DDX10: variants seen among roughly 807,000 people sequenced by gnomAD.
DDX10 encodes the protein DEAD-box helicase 10, also known as probable ATP-dependent RNA helicase DDX10.
A neutral mutation model predicts 104.3 loss-of-function variants in DDX10; 74 were observed. The ratio of observed to expected loss-of-function variants is 0.71; its 90% CI spans 0.59 to 0.86. The LOEUF is 0.86. DDX10 is among the 40% of genes least tolerant of loss of function. The pLI is 0.00. For synonymous variants in DDX10, 351 were observed against 353.4 expected, an observed-to-expected ratio of 0.99 and a Z score of 0.08; for missense variants, 952 against 1,040.0, an observed-to-expected ratio of 0.92 and a Z score of 1.16.
Position 108,837,607 on chromosome 11 carries a change from C to CTTTTTTTTTTTTTTTTTTTTTTTT in DDX10, c.1966-827_1966-804dup, listed in dbSNP as rs142381520. Among the ~76,000 whole-genome samples the CTTTTTTTTTTTTTTTTTTTTTTTT allele has an allele frequency of 1.7e-4, 6 of 34,748 alleles. 2 individuals carry two copies. Among genetic ancestry groups the CTTTTTTTTTTTTTTTTTTTTTTTT allele is most frequent in the African/African-American group, 6.3e-4 (5 of 7,928 alleles). The allele number at this position is 34,748 out of a possible 152,430, so 22.8% of individuals were successfully genotyped here. A position where few individuals can be genotyped will look rare whatever the true frequency, so the allele number is the denominator to read the frequency against. ...TTCTGCATCTCACCTTTGGATACAG[C>CTTTTTTTTTTTTTTTTTTTTTTTT]TTTTTTTTTTTTTTTTTTTTTTTTT... On this transcript the variant is annotated intron_variant, in intron 13 of 17. Transcript: ENST00000322536.
chr11:108,728,728 G>C (rs903855148), intron 13 of DDX10, among the ~76,000 whole-genome samples: 1 of 151,856 alleles, frequency 6.6e-6, no homozygotes, highest in Admixed American at 6.6e-5. Flanking sequence ...GTGTTCCCCA[G>C]GATGGTCTCA....
intron 13 of DDX10, among the ~76,000 whole-genome samples, chr11:108,800,462 A>G (rs913649302): frequency 6.7e-6 from 1 of 148,212 alleles, no homozygotes; most frequent in African/African-American, 2.5e-5. Flanking sequence ...AAAAAAAAAA[A>G]GAACATCTTA....
chr11:108,807,057 A>T (rs941736585), intron 13 of DDX10, among the ~76,000 whole-genome samples: 1 of 152,232 alleles, frequency 6.6e-6, no homozygotes, highest in Non-Finnish European at 1.5e-5. Flanking sequence ...GTCCTAGGTT[A>T]GGCAAGCAAT....
Position 108,750,679 on chromosome 11 carries a change from G to T in DDX10, c.1965+27217G>T, listed in dbSNP as rs140268017. Reference sequence around the variant, plus strand: ...TATTAACTGCAGATTAAGAGGTTTTGTTATGGTACGAATTGAATTAGATAG... The same window carrying T: ...TATTAACTGCAGATTAAGAGGTTTTTTTATGGTACGAATTGAATTAGATAG... On this transcript the variant is annotated intron_variant, in intron 13 of 17. Coordinates refer to ENST00000322536, the MANE Select transcript of DDX10 (RefSeq NM_004398.4). Among the ~76,000 whole-genome samples the T allele has an allele frequency of 3.3e-3, 504 of 151,740 alleles. 1 individual carries two copies. The highest frequency in any genetic ancestry group is 0.011 in the African/African-American group (469 of 41,448).
At chr11:108,910,201 A>C (rs1370866358) in intron 16 of DDX10, among the ~76,000 whole-genome samples, 2 of 152,204 alleles carry the variant, frequency 1.3e-5, no homozygotes, top group Non-Finnish European at 2.9e-5. Flanking sequence ...ACTGGAAAAA[A>C]CAAAAACACT....
chr11:108,839,035 G>C (rs975702503), intron 14 of DDX10, among the ~76,000 whole-genome samples: 6 of 152,154 alleles, frequency 3.9e-5, no homozygotes, highest in African/African-American at 1.4e-4. Context: ...AGACACAGAG[G>C]TGCCTTGTTT....
intron 13 of DDX10, among the ~76,000 whole-genome samples, chr11:108,789,002 C>CCT (rs1468252041): frequency 6.6e-6 from 1 of 152,142 alleles, no homozygotes; most frequent in African/African-American, 2.4e-5. Flanking sequence ...TAGGCCGTAC[C>CCT]CTCTCTGGGC....
At chr11:108,680,954 C>T (rs1002122936) in intron 6 of DDX10, among the ~76,000 whole-genome samples, 2 of 152,080 alleles carry the variant, frequency 1.3e-5, no homozygotes, top group Non-Finnish European at 2.9e-5. Flanking sequence ...TAGTTTTTTT[C>T]CCTTGGCTTA....
intron 17 of DDX10, chr11:108,929,731 G>A (rs1285337594): frequency 1.3e-5 from 2 of 152,092 alleles, no homozygotes; most frequent in Non-Finnish European, 2.9e-5. Flanking sequence ...ATGTATTAAG[G>A]GGCATGTAGT....
intron 6 of DDX10, among the ~76,000 whole-genome samples, 185 bp from the exon 7 acceptor site, chr11:108,688,751 T>C (rs1434526444): frequency 6.6e-6 from 1 of 152,226 alleles, no homozygotes; most frequent in East Asian, 1.9e-4. Context: ...TTTGAATGTG[T>C]TTTAAAGTAA....
intron 15 of DDX10, among the ~76,000 whole-genome samples, chr11:108,845,056 A>G (rs1237137899): frequency 6.6e-6 from 1 of 152,026 alleles, no homozygotes; most frequent in East Asian, 1.9e-4. Flanking sequence ...AAAAAAACCA[A>G]AATTAGCCAG....
chr11:108,720,010 C>T, intron 12 of DDX10, 125 bp downstream of exon 12: 2 of 664,540 alleles, frequency 3.0e-6, no homozygotes, highest in South Asian at 3.4e-5. Context: ...TCCAGCAGTC[C>T]ACCCACCTCA....
intron 16 of DDX10, among the ~76,000 whole-genome samples, chr11:108,876,126 T>C (rs1033529627): frequency 5.9e-5 from 9 of 152,186 alleles, no homozygotes; most frequent in Non-Finnish European, 1.2e-4. Context: ...ATTGACTATT[T>C]CTTGATAAAA....
At chr11:108,908,123 C>T (rs1863621276) in intron 16 of DDX10, among the ~76,000 whole-genome samples, 1 of 152,114 alleles carries the variant, frequency 6.6e-6, no homozygotes, top group Non-Finnish European at 1.5e-5. Context: ...AATTTCTTCT[C>T]TAAATAATTT....
intron 15 of DDX10, among the ~76,000 whole-genome samples, chr11:108,848,181 T>C (rs1862744135): frequency 6.6e-6 from 1 of 152,182 alleles, no homozygotes; most frequent in African/African-American, 2.4e-5. Flanking sequence ...GTTAGTAGTA[T>C]AGTTTAAGAC....
intron 13 of DDX10, among the ~76,000 whole-genome samples, chr11:108,798,229 C>T (rs970489353): frequency 6.6e-6 from 1 of 152,196 alleles, no homozygotes; most frequent in Non-Finnish European, 1.5e-5. Context: ...GGCATGTGCT[C>T]ATCCTCAGTT....
chr11:108,709,096 T>C (rs1251847098), intron 10 of DDX10, among the ~76,000 whole-genome samples: 2 of 152,218 alleles, frequency 1.3e-5, no homozygotes, highest in African/African-American at 2.4e-5. Flanking sequence ...TCTTGTCTTA[T>C]TGCATTAATT....
chr11:108,903,009 A>G (rs1565313856), intron 16 of DDX10, among the ~76,000 whole-genome samples: 1 of 152,210 alleles, frequency 6.6e-6, no homozygotes, highest in Non-Finnish European at 1.5e-5. Flanking sequence ...TAGAGTTACC[A>G]TACAACCCAG....
intron 16 of DDX10, among the ~76,000 whole-genome samples, chr11:108,887,065 A>G (rs1215004963): frequency 1.3e-5 from 2 of 152,216 alleles, no homozygotes; most frequent in Non-Finnish European, 1.5e-5. Context: ...AAAACACTAG[A>G]AATGGAATAA....
Sources: allele counts gnomAD v4.1 joint callset (sites outside exome capture counted in the v4.1 genomes callset), GRCh38; gene constraint gnomAD v4.1.1; transcripts MANE v1.5; gene names NCBI Gene and HGNC (gene_info 2026-07-23, HGNC 2026-07-21).